LOC128462377: variants seen among roughly 807,000 people sequenced by gnomAD.
the LOC128462377 span, among the ~76,000 whole-genome samples, chr16:89,317,742 G>A: frequency 1.3e-5 from 2 of 152,150 alleles, no homozygotes; most frequent in Admixed American, 1.3e-4. Context: ...GACACATACT[G>A]TATTAATTGT....
chr16:89,416,355 G>A, the LOC128462377 span, among the ~76,000 whole-genome samples: 11 of 151,792 alleles, frequency 7.2e-5, no homozygotes, highest in South Asian at 2.1e-4. Flanking sequence ...GCTCAAGTGC[G>A]GTGTTGTGAT....
At chr16:89,417,010 C>A in the LOC128462377 span, among the ~76,000 whole-genome samples, 3 of 152,164 alleles carry the variant, frequency 2.0e-5, no homozygotes, top group Non-Finnish European at 4.4e-5. Context: ...AACATGCCCA[C>A]TACCCAGGCT....
chr16:89,388,705 T>C, the LOC128462377 span, among the ~76,000 whole-genome samples: 2 of 152,062 alleles, frequency 1.3e-5, no homozygotes, highest in Admixed American at 6.6e-5. Context: ...CAGGACGTCA[T>C]CCACACAAAG....
chr16:89,417,208 A>C, the LOC128462377 span, among the ~76,000 whole-genome samples: 1 of 152,200 alleles, frequency 6.6e-6, no homozygotes, highest in Non-Finnish European at 1.5e-5. Context: ...TGAGATAAGG[A>C]ACAGATACAC....
At chr16:89,392,406 T>G in the LOC128462377 span, 4 of 152,178 alleles carry the variant, frequency 2.6e-5, no homozygotes, top group Non-Finnish European at 5.9e-5. Context: ...AAGTTAGATT[T>G]TCACCCTTTT....
the LOC128462377 span, among the ~76,000 whole-genome samples, chr16:89,381,700 C>T: frequency 6.6e-6 from 1 of 152,174 alleles, no homozygotes; most frequent in African/African-American, 2.4e-5. Context: ...GAAACAGATG[C>T]CCTCTGCTAC....
At chr16:89,341,806 G>A in the LOC128462377 span, among the ~76,000 whole-genome samples, 2 of 151,536 alleles carry the variant, frequency 1.3e-5, no homozygotes, top group African/African-American at 4.9e-5. Context: ...AGTCTGGCAC[G>A]GATGGACCAG....
At chr16:89,406,008 G>A in the LOC128462377 span, among the ~76,000 whole-genome samples, 1 of 151,772 alleles carries the variant, frequency 6.6e-6, no homozygotes, top group African/African-American at 2.4e-5. Flanking sequence ...TACTCAGGAG[G>A]CTGAGGTGGG....
At chr16:89,382,969 G>C in the LOC128462377 span, among the ~76,000 whole-genome samples, 1 of 152,192 alleles carries the variant, frequency 6.6e-6, no homozygotes. Context: ...GCCTCCCGAG[G>C]AGCTGGGATT....
At chr16:89,362,038 C>T in the LOC128462377 span, among the ~76,000 whole-genome samples, 2 of 152,234 alleles carry the variant, frequency 1.3e-5, no homozygotes, top group Non-Finnish European at 2.9e-5. Flanking sequence ...GACTAACCCT[C>T]AAGTGCTCCT....
the LOC128462377 span, among the ~76,000 whole-genome samples, chr16:89,414,424 G>C: frequency 2.0e-5 from 3 of 152,152 alleles, no homozygotes; most frequent in Non-Finnish European, 4.4e-5. Flanking sequence ...CGGGGGTCAC[G>C]CAGCCGCACC....
At chr16:89,351,064 T>C in the LOC128462377 span, among the ~76,000 whole-genome samples, 2 of 152,144 alleles carry the variant, frequency 1.3e-5, no homozygotes, top group African/African-American at 4.8e-5. Flanking sequence ...CCGACCGCTA[T>C]TAAAATTGAT....
At chr16:89,345,264 C>CG in the LOC128462377 span, among the ~76,000 whole-genome samples, 1 of 148,988 alleles carries the variant, frequency 6.7e-6, no homozygotes, top group African/African-American at 2.5e-5. Flanking sequence ...CCCCACCCCC[C>CG]GGCAAAAGGA....
At chr16:89,397,959 A>T in the LOC128462377 span, among the ~76,000 whole-genome samples, 1 of 152,250 alleles carries the variant, frequency 6.6e-6, no homozygotes. Context: ...CCTGTTGTTG[A>T]ATCGGTGCAA....
At chr16:89,319,992 G>T in the LOC128462377 span, 1 of 152,394 alleles carries the variant, frequency 6.6e-6, no homozygotes, top group African/African-American at 2.4e-5. Flanking sequence ...CCGTGAAATG[G>T]CAGAGCCAGC....
At chr16:89,334,538 C>T in the LOC128462377 span, among the ~76,000 whole-genome samples, 2 of 152,160 alleles carry the variant, frequency 1.3e-5, no homozygotes, top group Non-Finnish European at 2.9e-5. Flanking sequence ...ACACCCCACC[C>T]ATGTGGGCAG....
chr16:89,347,147 G>A, the LOC128462377 span, among the ~76,000 whole-genome samples: 2 of 152,156 alleles, frequency 1.3e-5, no homozygotes, highest in Non-Finnish European at 2.9e-5. Flanking sequence ...AGAGGAAGCA[G>A]CAAGCAGCTT....
chr16:89,321,093 A>C, the LOC128462377 span: 1 of 152,478 alleles, frequency 6.6e-6, no homozygotes, highest in African/African-American at 2.4e-5. Context: ...CCATCCAGGC[A>C]CCGCGCCCTC....
chr16:89,388,713 A>T, the LOC128462377 span, among the ~76,000 whole-genome samples: 5 of 151,990 alleles, frequency 3.3e-5, no homozygotes, highest in African/African-American at 1.2e-4. Flanking sequence ...CATCCACACA[A>T]AGAAGAGCCG....
Sources: allele counts gnomAD v4.1 joint callset (sites outside exome capture counted in the v4.1 genomes callset), GRCh38; gene constraint gnomAD v4.1.1; transcripts MANE v1.5.